Variants in NGLY1 observed in about 807,000 individuals in gnomAD.
The protein encoded by NGLY1 is peptide-N(4)-(N-acetyl-beta-glucosaminyl)asparagine amidase.
A neutral mutation model predicts 84.6 loss-of-function variants in NGLY1; 68 were observed. The ratio of observed to expected loss-of-function variants is 0.80; its 90% CI spans 0.66 to 0.98. NGLY1 has a LOEUF of 0.98. Among genes scored for constraint, NGLY1 ranks in the 50% least tolerant of loss-of-function variants. The pLI, the probability that NGLY1 is intolerant of heterozygous loss-of-function variation, is 0.00. For missense variants in NGLY1, 779 were observed against 770.2 expected (o/e 1.01, Z -0.14); for synonymous variants, 280 against 275.2 (o/e 1.02, Z -0.17).
In NGLY1 at chr3:25,783,222, C is replaced by A; in HGVS notation, c.131+38G>T. 1 of 1,576,316 alleles carries A rather than the reference C, an allele frequency of 6.3e-7. No homozygotes were observed. Among genetic ancestry groups the A allele is most frequent in the South Asian group, 1.1e-5 (1 of 89,778 alleles). On this transcript the variant is annotated intron_variant, in intron 1 of 11. Coordinates refer to ENST00000280700, the MANE Select transcript of NGLY1 (RefSeq NM_018297.4). The surrounding 1 kb of genome is among the most constrained non-coding windows in gnomAD (Gnocchi z 4.5). Reference sequence around the variant, plus strand: ...GCCGAACAAGGTGCCGCGGCCCACCCACCCCGGTACCCGCCGTCCGACCCC... The same window carrying A: ...GCCGAACAAGGTGCCGCGGCCCACCAACCCCGGTACCCGCCGTCCGACCCC...
At chr3:25,772,231 T>G (rs1707929958) in intron 2 of NGLY1, among the ~76,000 whole-genome samples, 1 of 152,206 alleles carries the variant, frequency 6.6e-6, no homozygotes, top group Admixed American at 6.5e-5. Flanking sequence ...ACCTGTCTAG[T>G]GCTGTCAGTG....
rs113639940 is a variant in NGLY1 at position 25,747,621 on chromosome 3, G to A, written c.658+3477C>T. Among the ~76,000 whole-genome samples the A allele has an allele frequency of 1.3e-5, 2 of 152,236 alleles. 1 individual carries two copies. The highest frequency in any genetic ancestry group is 4.8e-5 in the African/African-American group (2 of 41,530). ...TTCTGGTTTCATCTTCCAGTTTCTA[G>A]CAAGCAGAGGTCAATACTCTCACCT... On this transcript the variant is annotated intron_variant, in intron 4 of 11. Transcript: ENST00000280700.
chr3:25,720,238 A>C (rs758932148), intron 10 of NGLY1, 47 bp from the exon 11 acceptor site: 2 of 1,481,596 alleles, frequency 1.3e-6, no homozygotes. Flanking sequence ...GAAAAAATGA[A>C]ATAGTATAGA....
intron 1 of NGLY1, among the ~76,000 whole-genome samples, chr3:25,782,011 A>T (rs901152490): frequency 6.6e-6 from 1 of 152,138 alleles, no homozygotes; most frequent in Admixed American, 6.5e-5. Context: ...CTCAAAGAGT[A>T]AAAAAGGTGA....
chr3:25,725,253 G>A (rs1033864075), intron 10 of NGLY1, among the ~76,000 whole-genome samples: 11 of 152,182 alleles, frequency 7.2e-5, no homozygotes, highest in Non-Finnish European at 1.0e-4. Context: ...AGGCCTATCA[G>A]GACAGGGTTT....
intron 2 of NGLY1, among the ~76,000 whole-genome samples, chr3:25,769,702 A>G (rs549035660): frequency 2.0e-5 from 3 of 152,342 alleles, no homozygotes; most frequent in African/African-American, 7.2e-5. Context: ...CTAGGCACAC[A>G]TCCAAAAAAA....
chr3:25,732,263 C>A, intron 9 of NGLY1, 56 bp downstream of exon 9: 1 of 1,529,196 alleles, frequency 6.5e-7, no homozygotes, highest in Non-Finnish European at 9.0e-7. Flanking sequence ...ATAGGAAGAG[C>A]ATAGTATATG....
upstream of NGLY1, among the ~76,000 whole-genome samples, chr3:25,784,333 A>G (rs1708556587): frequency 6.6e-6 from 1 of 152,228 alleles, no homozygotes; most frequent in Admixed American, 6.5e-5. Flanking sequence ...CACATGCATA[A>G]TAATTACGCA....
intron 3 of NGLY1, among the ~76,000 whole-genome samples, chr3:25,754,004 C>G (rs1706897073): frequency 1.3e-5 from 2 of 152,110 alleles, no homozygotes; most frequent in African/African-American, 2.4e-5. Context: ...CAAATAATGA[C>G]AGACCCACCA....
In NGLY1 at chr3:25,719,414, C is replaced by T. The variant is rs992256406; in HGVS notation, c.*46G>A. ...CATGCACTGAACCAACAGACTACTT[C>T]AGTAAGTCCTTGATTATTGCCAGCT... On this transcript the variant is annotated 3_prime_UTR_variant, in exon 12 of 12. Coordinates refer to ENST00000280700, the MANE Select transcript of NGLY1 (RefSeq NM_018297.4). 2 of 1,562,318 alleles carry T rather than the reference C, an allele frequency of 1.3e-6. No individual in the cohort carries two copies. The highest frequency in any genetic ancestry group is 2.7e-5 in the African/African-American group (2 of 73,794).
In NGLY1 at chr3:25,745,228, A is replaced by G. The variant is rs539918839; in HGVS notation, c.659-5429T>C. Among the ~76,000 whole-genome samples, 35 of 152,320 alleles carry G rather than the reference A, an allele frequency of 2.3e-4. No homozygotes were observed. The South Asian group carries it at 6.6e-3, about 29-fold the overall frequency. The stretch of plus-strand genomic sequence containing the variant: ...GTTATTGAGTAGCTGAAATGTGCTG[A>G]GTGTGACTGAAGAACTTGATTTTTC... On this transcript the variant is annotated intron_variant, in intron 4 of 11. Coordinates refer to ENST00000280700, the MANE Select transcript of NGLY1 (RefSeq NM_018297.4).
At chr3:25,768,764 A>G (rs1707744940) in intron 2 of NGLY1, among the ~76,000 whole-genome samples, 1 of 151,606 alleles carries the variant, frequency 6.6e-6, no homozygotes, top group African/African-American at 2.4e-5. Context: ...ACATGGTCTC[A>G]AACTCCTGAC....
At chr3:25,742,544 A>G (rs1706202323) in intron 4 of NGLY1, among the ~76,000 whole-genome samples, 1 of 152,218 alleles carries the variant, frequency 6.6e-6, no homozygotes, top group African/African-American at 2.4e-5. Flanking sequence ...ACTGAATGGC[A>G]GGGAGAGTTT....
At chr3:25,767,200 G>A (rs747136911) in intron 2 of NGLY1, among the ~76,000 whole-genome samples, 9 of 151,670 alleles carry the variant, frequency 5.9e-5, no homozygotes, top group African/African-American at 1.2e-4. Context: ...GCTGAGGCAG[G>A]AGAATCGCTT....
chr3:25,759,180 T>TA (rs1707184204), intron 3 of NGLY1, among the ~76,000 whole-genome samples: 1 of 152,080 alleles, frequency 6.6e-6, no homozygotes, highest in Admixed American at 6.6e-5. Context: ...TGGCCTTTAT[T>TA]AAGAGCAGAC....
intron 6 of NGLY1, 79 bp downstream of exon 6, chr3:25,737,255 A>G: frequency 1.6e-6 from 2 of 1,240,992 alleles, no homozygotes; most frequent in Non-Finnish European, 2.2e-6. Context: ...AGTAACAGAG[A>G]ATCATGGGCT....
rs2125326911 is a variant in NGLY1 at position 25,781,148 on chromosome 3, G to T, written c.131+2112C>A. 1.3e-5 allele frequency among the ~76,000 whole-genome samples: 2 copies of T among 152,106 alleles called. 1 individual carries two copies. Among genetic ancestry groups the T allele is most frequent in the Middle Eastern group, 6.8e-3 (2 of 294 alleles). On this transcript the variant is annotated intron_variant, in intron 1 of 11. Transcript: ENST00000280700. ...AATTTTTTTGTAGAGACGGGGTTTAGCCATGTTGCCCAGGCTGGTCTCAAA... is the reference window on the plus strand; with the variant it reads ...AATTTTTTTGTAGAGACGGGGTTTATCCATGTTGCCCAGGCTGGTCTCAAA...
chr3:25,773,072 G>C (rs1707975696), intron 2 of NGLY1, among the ~76,000 whole-genome samples: 1 of 152,106 alleles, frequency 6.6e-6, no homozygotes, highest in Admixed American at 6.5e-5. Context: ...TATTTCCTTT[G>C]TCTTGACTTT....
At chr3:25,753,187 A>G (rs1706845649) in intron 3 of NGLY1, among the ~76,000 whole-genome samples, 1 of 152,230 alleles carries the variant, frequency 6.6e-6, no homozygotes, top group Non-Finnish European at 1.5e-5. Flanking sequence ...AAGTAAGAAG[A>G]AACATTACAC....
Sources: allele counts gnomAD v4.1 joint callset (sites outside exome capture counted in the v4.1 genomes callset), GRCh38; gene constraint gnomAD v4.1.1; non-coding constraint Gnocchi (gnomAD v3.1); transcripts MANE v1.5; gene names NCBI Gene and HGNC (gene_info 2026-07-23, HGNC 2026-07-21).